The following TMTC4 variants were observed in gnomAD, a reference collection of about 807,000 sequenced individuals.
TMTC4 encodes the protein protein O-mannosyl-transferase TMTC4.
TMTC4 carries 65 observed loss-of-function variants against 86.0 expected under a neutral mutation model. The ratio of observed to expected loss-of-function variants is 0.76; its 90% CI spans 0.62 to 0.93. The LOEUF (loss-of-function observed/expected upper bound fraction) is 0.93. TMTC4 is among the 40% of genes least tolerant of loss of function. TMTC4 has a pLI of 0.00. For missense variants in TMTC4, 866 were observed against 948.1 expected, an observed-to-expected ratio of 0.91 and a Z score of 1.14; for synonymous variants, 379 against 382.5, an observed-to-expected ratio of 0.99 and a Z score of 0.11.
At chr13:100,629,748 A>G (rs879586074) in intron 12 of TMTC4, among the ~76,000 whole-genome samples, 2 of 152,186 alleles carry the variant, frequency 1.3e-5, no homozygotes, top group Non-Finnish European at 2.9e-5. Flanking sequence ...TTAAAGAGGT[A>G]AGTAAGGTCA....
intron 17 of TMTC4, among the ~76,000 whole-genome samples, chr13:100,609,219 G>GAGC (rs1877159788): frequency 6.6e-6 from 1 of 152,164 alleles, no homozygotes; most frequent in African/African-American, 2.4e-5. Flanking sequence ...GAAGCTAAGA[G>GAGC]AGCTCAGAGC....
At chr13:100,654,054 G>A (rs1884771025) in intron 6 of TMTC4, among the ~76,000 whole-genome samples, 1 of 152,240 alleles carries the variant, frequency 6.6e-6, no homozygotes. Flanking sequence ...ATGTTAACAA[G>A]AGAACAGATC....
At chr13:100,661,361 A>G (rs969271955) in intron 5 of TMTC4, among the ~76,000 whole-genome samples, 4 of 152,222 alleles carry the variant, frequency 2.6e-5, no homozygotes, top group African/African-American at 9.6e-5. Flanking sequence ...CCTTTTTATA[A>G]ATCAACTTCT....
chr13:100,662,331 C>A (rs1885884866), intron 5 of TMTC4, among the ~76,000 whole-genome samples: 1 of 151,362 alleles, frequency 6.6e-6, no homozygotes, highest in Non-Finnish European at 1.5e-5. Context: ...CCAAGTACAT[C>A]AGCATCTCCT....
intron 15 of TMTC4, among the ~76,000 whole-genome samples, chr13:100,619,165 G>C (rs1879070407): frequency 6.8e-6 from 1 of 146,170 alleles, no homozygotes. Context: ...GGCCGGGCGG[G>C]GGGCTGACCC....
At chr13:100,671,528 C>T (rs1042061589) in intron 1 of TMTC4, among the ~76,000 whole-genome samples, 1 of 152,198 alleles carries the variant, frequency 6.6e-6, no homozygotes, top group Non-Finnish European at 1.5e-5. Context: ...ACCACACCAT[C>T]AACGAGATGC....
intron 6 of TMTC4, among the ~76,000 whole-genome samples, chr13:100,654,273 A>C (rs566130893): frequency 6.6e-6 from 1 of 152,364 alleles, no homozygotes; most frequent in East Asian, 1.9e-4. Flanking sequence ...TCTCAAAAAC[A>C]TCTACAAATT....
intron 5 of TMTC4, among the ~76,000 whole-genome samples, chr13:100,656,928 A>G (rs1770361): frequency 0.71 from 107,796 of 151,466 alleles, 39,348 homozygotes; most frequent in East Asian, 0.98. Flanking sequence ...TAGCTGTGCA[A>G]TAGTGCTTGG....
intron 2 of TMTC4, 81 bp downstream of exon 2, chr13:100,670,279 C>T (rs537088763): frequency 2.4e-4 from 373 of 1,527,376 alleles, no homozygotes; most frequent in Non-Finnish European, 2.9e-4. Flanking sequence ...GCCAAATAGG[C>T]CACCTGAAGT....
At chr13:100,606,973 CCT>C (rs1876725230) in intron 17 of TMTC4, among the ~76,000 whole-genome samples, 2 of 152,146 alleles carry the variant, frequency 1.3e-5, no homozygotes, top group South Asian at 2.1e-4. Flanking sequence ...ACCAAATGCC[CCT>C]GATGGGTGTG....
At chr13:100,666,035 C>T in intron 3 of TMTC4, 1 of 456,686 alleles carries the variant, frequency 2.2e-6, no homozygotes, top group Non-Finnish European at 4.4e-6. Context: ...ATCTTTTCCT[C>T]CCTTTGAACA....
chr13:100,619,998 A>T (rs1046676688), intron 15 of TMTC4, among the ~76,000 whole-genome samples: 3 of 152,238 alleles, frequency 2.0e-5, no homozygotes, highest in African/African-American at 7.2e-5. Flanking sequence ...AGACTGAATC[A>T]GATAAAATTT....
intron 1 of TMTC4, 52 bp from the exon 2 acceptor site, chr13:100,670,621 T>G (rs1283200): frequency 0.66 from 272,909 of 415,228 alleles, 92,059 homozygotes; most frequent in East Asian, 0.93. Flanking sequence ...ATGCTTACAT[T>G]TCAGCTAAAG....
chr13:100,660,807 C>A (rs1566636071), intron 5 of TMTC4, among the ~76,000 whole-genome samples: 1 of 152,148 alleles, frequency 6.6e-6, no homozygotes, highest in Non-Finnish European at 1.5e-5. Context: ...GGGCATACCA[C>A]CATGCCCGGC....
intron 15 of TMTC4, among the ~76,000 whole-genome samples, chr13:100,619,595 T>C (rs1179773030): frequency 3.3e-5 from 5 of 152,194 alleles, no homozygotes; most frequent in African/African-American, 7.2e-5. Context: ...ATAGATAGCA[T>C]ATTATGCAAG....
intron 4 of TMTC4, among the ~76,000 whole-genome samples, chr13:100,663,927 T>C (rs896416139): frequency 1.3e-5 from 2 of 152,184 alleles, no homozygotes; most frequent in Non-Finnish European, 2.9e-5. Context: ...ATCAGTTTCA[T>C]CAGAGGCCCC....
intron 6 of TMTC4, among the ~76,000 whole-genome samples, chr13:100,643,693 G>T (rs1311026116): frequency 6.6e-6 from 1 of 152,158 alleles, no homozygotes; most frequent in Non-Finnish European, 1.5e-5. Flanking sequence ...TATATTAAAA[G>T]ACTATGTTAA....
chr13:100,651,549 T>C (rs1884449192), intron 6 of TMTC4, among the ~76,000 whole-genome samples: 1 of 135,938 alleles, frequency 7.4e-6, no homozygotes, highest in African/African-American at 2.7e-5. Context: ...GTTATGTGAG[T>C]ACATTTTTCA....
chr13:100,674,158 CTCGGTGGCCCCGGGCGCCCGGG>C, intron 1 of TMTC4: 11 of 980,788 alleles, frequency 1.1e-5, no homozygotes, highest in Non-Finnish European at 1.3e-5. Flanking sequence ...GAAGCGGCGG[CTCGGTGGCCCCGGGCGCCCGGG>C]CCGGTGGCCC....
Sources: allele counts gnomAD v4.1 joint callset (sites outside exome capture counted in the v4.1 genomes callset), GRCh38; gene constraint gnomAD v4.1.1; transcripts MANE v1.5; gene names NCBI Gene and HGNC (gene_info 2026-07-23, HGNC 2026-07-21).